DNAH17: variants seen among roughly 807,000 people sequenced by gnomAD.
DNAH17 encodes the protein dynein axonemal heavy chain 17, also known as axonemal beta dynein heavy chain 17.
In DNAH17, 376 loss-of-function variants were observed where a neutral mutation model predicts 485.6. That is an observed-to-expected ratio of 0.77 (90% CI 0.71 to 0.84). The LOEUF (loss-of-function observed/expected upper bound fraction) is 0.84. DNAH17 is among the 40% of genes least tolerant of loss of function. The pLI is 0.00. For synonymous variants in DNAH17, 3,031 were observed against 2,405.9 expected, an observed-to-expected ratio of 1.26 and a Z score of -7.60; for missense variants, 6,370 against 5,839.3, an observed-to-expected ratio of 1.09 and a Z score of -2.96.
intron 36 of DNAH17, chr17:78,499,898 G>C (rs1415100820): frequency 6.1e-6 from 1 of 162,986 alleles, no homozygotes; most frequent in African/African-American, 2.4e-5. Context: ...GTCCTGTGCA[G>C]GCTCTAATGA....
chr17:78,480,742 TGACA>T lies in DNAH17; in HGVS notation c.7690_7693del (p.Cys2564SerfsTer6). ...AGTGGGGTTCATGCAGGCCACGTACTGACAATTATGGATATCTTTTAACGTCAGC... is the reference window on the plus strand; with the variant it reads ...AGTGGGGTTCATGCAGGCCACGTACTATTATGGATATCTTTTAACGTCAGC... On this transcript the variant is annotated frameshift_variant, in exon 49 of 81. Coordinates refer to ENST00000389840, the MANE Select transcript of DNAH17 (RefSeq NM_173628.4). LOFTEE classifies it high-confidence loss of function. 6.2e-7 allele frequency: 1 copy of T among 1,613,872 alleles called. No individual in the cohort carries two copies. The highest frequency in any genetic ancestry group is 1.3e-5 in the African/African-American group (1 of 75,058).
At chr17:78,496,131 G>A (rs1164345722) in intron 37 of DNAH17, 99 bp from the exon 38 acceptor site, 5 of 1,360,566 alleles carry the variant, frequency 3.7e-6, no homozygotes, top group Middle Eastern at 3.8e-4. Context: ...CTGCGAATTT[G>A]CGCCTGCAAA....
rs552089474 is a variant in DNAH17 at position 78,570,834 on chromosome 17, G to C, written c.918+114C>G. 37 of 638,848 alleles carry C rather than the reference G, an allele frequency of 5.8e-5. 1 individual carries two copies. Among genetic ancestry groups the C allele is most frequent in the Admixed American group, 5.3e-4 (12 of 22,504 alleles). 39.6% of individuals were successfully genotyped at this position (638,848 alleles called of 1,614,324 possible). A position where few individuals can be genotyped will look rare whatever the true frequency, so the allele number is the denominator to read the frequency against. ...GATCGCGCCACAGCACTCTAGCCTG[G>C]TGACAGAGCGAGACTCCCTCTCAAA... On this transcript the variant is annotated intron_variant, in intron 6 of 80. Coordinates refer to ENST00000389840, the MANE Select transcript of DNAH17 (RefSeq NM_173628.4).
In DNAH17 at chr17:78,499,233, G is replaced by A. The variant is rs747383645; in HGVS notation, c.5641-121C>T. ...TCTTCCCAAAGCTTGCTCAGGCCCC[G>A]GTGCATTGGAGCCTTCCGCAGGCCA... On this transcript the variant is annotated intron_variant, in intron 36 of 80. Coordinates refer to ENST00000389840, the MANE Select transcript of DNAH17 (RefSeq NM_173628.4). 2.1e-5 allele frequency: 14 copies of A among 679,816 alleles called. 1 individual carries two copies. The highest frequency in any genetic ancestry group is 2.8e-5 in the Non-Finnish European group (12 of 426,830). 42.1% of individuals were successfully genotyped at this position (679,816 alleles called of 1,614,324 possible).
chr17:78,532,542 G>T lies in DNAH17; in HGVS notation c.3054C>A (p.Asp1018Glu). The stretch of plus-strand genomic sequence containing the variant: ...TGGGGATGGTGTCATCTGTCCAGGT[G>T]TCCAAGTCCTCCGCAGTGACTGCAC... ...YGCAVTAEDL[D>E]TWTDDTIPKT... The change falls in exon 20 of 81, where the codon GAC (aspartate) becomes GAA (glutamate). Residue 1018 changes from aspartate to glutamate, a missense_variant. Transcript: ENST00000389840. The T allele has an allele frequency of 6.2e-7, 1 of 1,611,352 alleles. No individual in the cohort carries two copies. Among genetic ancestry groups the T allele is most frequent in the Non-Finnish European group, 8.5e-7 (1 of 1,178,966 alleles).
rs2087046453 is a variant in DNAH17, at chr17:78,440,843, A to G, written c.11677+208T>C. On this transcript the variant is annotated intron_variant, in intron 72 of 80. Transcript: ENST00000389840. ...TTCCACAGCAGCGGCCCCATTTTACATCCGCTCAGCAACCTACAAGGGTCG... is the reference window on the plus strand; with the variant it reads ...TTCCACAGCAGCGGCCCCATTTTACGTCCGCTCAGCAACCTACAAGGGTCG... Among the ~76,000 whole-genome samples, 7 of 152,164 alleles carry G rather than the reference A, an allele frequency of 4.6e-5. 1 individual carries two copies. The South Asian group carries it at 6.2e-4, about 13-fold the overall frequency.
In DNAH17 at chr17:78,459,139, C is replaced by G. The variant is rs187170330; in HGVS notation, c.9723G>C (p.Leu3241=). The G allele has an allele frequency of 6.2e-7, 1 of 1,614,012 alleles. No individual in the cohort carries two copies. The highest frequency in any genetic ancestry group is 8.5e-7 in the Non-Finnish European group (1 of 1,179,896). ...GGACGATGTTGATGCACCAGGAGCA[C>G]AGGCCGGCGGCGGCCGTGGACTTGG... is the stretch of plus-strand genomic sequence containing the variant. ...IRSKSTAAAG[L]CSWCINIVRF... is the part of the protein sequence containing the mutation. The change falls in exon 61 of 81, where the codon CTG becomes CTC. Residue 3241 remains leucine (L), a synonymous_variant. Transcript: ENST00000389840.
Position 78,566,908 on chromosome 17 carries a change from C to T in DNAH17, c.1452+91G>A, listed in dbSNP as rs113961236. 2.6e-3 allele frequency: 3,742 copies of T among 1,458,884 alleles called. 76 individuals carry two copies. In the African/African-American group the frequency reaches 0.044, roughly 17 times the overall value. 90.4% of individuals were successfully genotyped at this position (1,458,884 alleles called of 1,614,324 possible). On this transcript the variant is annotated intron_variant, in intron 10 of 80. Coordinates refer to ENST00000389840, the MANE Select transcript of DNAH17 (RefSeq NM_173628.4). ...GGGATCACCTGGCACCTGCTTCCTCCGTGTGCCCTCCCATCACACCCCTAA... is the reference window on the plus strand; with the variant it reads ...GGGATCACCTGGCACCTGCTTCCTCTGTGTGCCCTCCCATCACACCCCTAA...
At chr17:78,473,498 C>T (rs968588707) in intron 54 of DNAH17, among the ~76,000 whole-genome samples, 5 of 146,202 alleles carry the variant, frequency 3.4e-5, no homozygotes, top group Middle Eastern at 3.4e-3. Flanking sequence ...GAGCTGAGAT[C>T]GCGCCACTGC....
At chr17:78,439,293 G>A (rs574001972) in intron 72 of DNAH17, 76 bp from the exon 73 acceptor site, 12 of 1,480,294 alleles carry the variant, frequency 8.1e-6, no homozygotes, top group Admixed American at 4.5e-5. Flanking sequence ...TCTACAGCCA[G>A]GAATTCCACA....
intron 44 of DNAH17, 137 bp downstream of exon 44, chr17:78,490,562 G>T: frequency 7.8e-7 from 1 of 1,275,210 alleles, no homozygotes; most frequent in Non-Finnish European, 1.1e-6. Flanking sequence ...CTTCACTGCT[G>T]TGACACTGGT....
At chr17:78,514,722 G>T in intron 26 of DNAH17, 52 bp downstream of exon 26, 2 of 1,585,396 alleles carry the variant, frequency 1.3e-6, no homozygotes, top group Non-Finnish European at 8.6e-7. Context: ...CCATCCTGCA[G>T]CAGAGCTGGC....
Position 78,485,787 on chromosome 17 carries a change from T to C in DNAH17, c.7276-30A>G, listed in dbSNP as rs748865627. On this transcript the variant is annotated intron_variant, in intron 46 of 80. Transcript: ENST00000389840. ...GGCAGGGGAGGGAAGGGGAGGGAGCTGTGATTCTCAGACACTTCTGCCTCT... is the reference window on the plus strand; with the variant it reads ...GGCAGGGGAGGGAAGGGGAGGGAGCCGTGATTCTCAGACACTTCTGCCTCT... 6 of 1,600,702 alleles carry C rather than the reference T, an allele frequency of 3.7e-6. No homozygotes were observed. The East Asian group carries it at 1.3e-4, about 36-fold the overall frequency.
intron 4 of DNAH17, 87 bp from the exon 5 acceptor site, chr17:78,571,465 C>T (rs559238757): frequency 6.7e-7 from 1 of 1,484,604 alleles, no homozygotes; most frequent in African/African-American, 1.4e-5. Context: ...GCTGGAGCTG[C>T]AGAATTTACG....
chr17:78,502,238 G>A, intron 33 of DNAH17: 1 of 347,786 alleles, frequency 2.9e-6, no homozygotes, highest in Non-Finnish European at 5.2e-6. Flanking sequence ...TGTCATGCTT[G>A]GGTTGTGGAA....
rs73380861 is a variant in DNAH17 at position 78,500,248 on chromosome 17, G to A, written c.5640+57C>T. ...TGGGGCCTCGGAGGACAGGGTGCTA[G>A]GATCTGCTTCTATAAAAGAAGACTC... On this transcript the variant is annotated intron_variant, in intron 36 of 80. Coordinates refer to ENST00000389840, the MANE Select transcript of DNAH17 (RefSeq NM_173628.4). 0.049 allele frequency: 75,638 copies of A among 1,536,774 alleles called. 2,488 individuals are homozygous for A. Among genetic ancestry groups the A allele is most frequent in the African/African-American group, 0.14 (10,410 of 72,146 alleles).
At chr17:78,483,264 A>G (rs183455382) in intron 48 of DNAH17, among the ~76,000 whole-genome samples, 1 of 152,174 alleles carries the variant, frequency 6.6e-6, no homozygotes, top group Non-Finnish European at 1.5e-5. Context: ...TAGGCTTCCT[A>G]TAGTCGTGAG....
chr17:78,450,865 G>A lies in DNAH17; in HGVS notation c.10735-19C>T, dbSNP rs748602698. On this transcript the variant is annotated intron_variant, in intron 66 of 80. Coordinates refer to ENST00000389840, the MANE Select transcript of DNAH17 (RefSeq NM_173628.4). The stretch of plus-strand genomic sequence containing the variant: ...GGTTTGCCTGCAAGGGGAGGTGCAG[G>A]AGTCACTGCATTGCCTGGCTCTGTC... The A allele has an allele frequency of 2.4e-5, 38 of 1,612,804 alleles. No individual in the cohort carries two copies. Among genetic ancestry groups the A allele is most frequent in the Non-Finnish European group, 3.2e-5 (38 of 1,179,192 alleles).
At chr17:78,445,094 G>A (rs1025060813) in intron 70 of DNAH17, among the ~76,000 whole-genome samples, 4 of 151,970 alleles carry the variant, frequency 2.6e-5, no homozygotes, top group African/African-American at 7.3e-5. Flanking sequence ...CTAGCTCAGG[G>A]GACGACCTTC....
Sources: gnomAD v4.1 joint callset for allele counts (sites outside exome capture counted in the v4.1 genomes callset) on GRCh38, gnomAD v4.1.1 for gene constraint, MANE v1.5 for transcripts, NCBI Gene and HGNC (gene_info 2026-07-23, HGNC 2026-07-21) for gene names.